Variants in IDE observed in about 807,000 individuals in gnomAD.
IDE encodes the protein insulin-degrading enzyme.
In IDE, 58 loss-of-function variants were observed where a neutral mutation model predicts 133.2. The ratio of observed to expected loss-of-function variants is 0.44; its 90% CI spans 0.35 to 0.54. The LOEUF is 0.54. Ranked by LOEUF, IDE falls within the 20% of genes least tolerant of loss-of-function variation. The probability of loss-of-function intolerance (pLI) is 0.00; values close to 1 mark genes in which losing one functional copy is unlikely to be tolerated. For missense variants in IDE, 981 were observed against 1,234.0 expected (o/e 0.79, Z 3.07); for synonymous variants, 396 against 421.3 (o/e 0.94, Z 0.73).
Position 92,461,172 on chromosome 10 carries a change from AT to A in IDE, c.2823+18del, listed in dbSNP as rs1845366393. On this transcript the variant is annotated intron_variant, in intron 22 of 24. Coordinates refer to ENST00000265986, the MANE Select transcript of IDE (RefSeq NM_004969.4). ...TACTTTCATATCAGTCAAAATCTAA[AT>A]ATATGAATTTGACTTACCTTGTAGA... 16 of 1,183,524 alleles carry A rather than the reference AT, an allele frequency of 1.4e-5. No homozygotes were observed. The highest frequency in any genetic ancestry group is 2.0e-5 in the Non-Finnish European group (16 of 790,740). The allele number at this position is 1,183,524 out of a possible 1,614,324, so 73.3% of individuals were successfully genotyped here.
At chr10:92,473,982 A>T (rs11187018) in intron 17 of IDE, among the ~76,000 whole-genome samples, 15,192 of 147,650 alleles carry the variant, frequency 0.1, 873 homozygotes, top group South Asian at 0.17. Context: ...CTCCGTCTTT[A>T]AAAAAAAAAA....
rs1192547992 is a variant in IDE, at chr10:92,557,312, G to A, written c.98+16610C>T. On this transcript the variant is annotated intron_variant, in intron 1 of 24. Coordinates refer to ENST00000265986, the MANE Select transcript of IDE (RefSeq NM_004969.4). ...AGCACTTTGGGAGGCCGAGGGGGGT[G>A]GATCACGAGGTCAGGAGATCGAGAA... 3.3e-5 allele frequency among the ~76,000 whole-genome samples: 5 copies of A among 150,230 alleles called. No homozygotes were observed. The East Asian group carries it at 8.0e-4, about 24-fold the overall frequency.
intron 22 of IDE, among the ~76,000 whole-genome samples, chr10:92,460,371 CTTTG>C (rs1845310047): frequency 6.6e-6 from 1 of 152,126 alleles, no homozygotes; most frequent in African/African-American, 2.4e-5. Context: ...CTTTTGTTTT[CTTTG>C]TTCTTCCTTC....
At chr10:92,490,914 A>T (rs1263179503) in intron 11 of IDE, among the ~76,000 whole-genome samples, 3 of 152,190 alleles carry the variant, frequency 2.0e-5, no homozygotes, top group South Asian at 4.1e-4. Flanking sequence ...AGGTCAGTTA[A>T]AAACAGTCAG....
chr10:92,477,550 G>A (rs372632147), intron 15 of IDE, among the ~76,000 whole-genome samples: 3 of 152,182 alleles, frequency 2.0e-5, no homozygotes, highest in African/African-American at 4.8e-5. Context: ...ATGGTGGCAC[G>A]CAAAGCAGTA....
intron 13 of IDE, among the ~76,000 whole-genome samples, chr10:92,486,211 G>A (rs1026239979): frequency 1.3e-5 from 2 of 152,026 alleles, no homozygotes; most frequent in Non-Finnish European, 2.9e-5. Context: ...TCAGCTGGAT[G>A]TGGTGGCGGG....
At chr10:92,526,320 C>T (rs1233586974) in intron 4 of IDE, among the ~76,000 whole-genome samples, 1 of 151,832 alleles carries the variant, frequency 6.6e-6, no homozygotes, top group Non-Finnish European at 1.5e-5. Context: ...TCTACAGATT[C>T]AATGCAACCC....
intron 1 of IDE, among the ~76,000 whole-genome samples, chr10:92,567,270 C>T (rs1405409620): frequency 1.3e-5 from 2 of 152,168 alleles, no homozygotes; most frequent in Non-Finnish European, 2.9e-5. Flanking sequence ...CTTCCCAGAG[C>T]TGGGTCTCCC....
intron 1 of IDE, among the ~76,000 whole-genome samples, chr10:92,562,715 A>G (rs942130536): frequency 1.3e-5 from 2 of 152,260 alleles, no homozygotes; most frequent in South Asian, 4.1e-4. Flanking sequence ...ACCACAGAGT[A>G]GCCCAACAAT....
intron 1 of IDE, among the ~76,000 whole-genome samples, chr10:92,555,446 G>C (rs888970426): frequency 6.7e-6 from 1 of 149,876 alleles, no homozygotes; most frequent in Admixed American, 6.7e-5. Context: ...GCGGTGAGCC[G>C]TGATAGTGCC....
intron 1 of IDE, among the ~76,000 whole-genome samples, chr10:92,549,948 C>A (rs1306671398): frequency 6.6e-6 from 1 of 152,086 alleles, no homozygotes; most frequent in Non-Finnish European, 1.5e-5. Context: ...GCAGGCAGAT[C>A]ACCTGAGGTC....
At chr10:92,464,986 A>AT (rs796080566) in intron 20 of IDE, among the ~76,000 whole-genome samples, 4 of 152,270 alleles carry the variant, frequency 2.6e-5, no homozygotes, top group African/African-American at 9.6e-5. Context: ...TTGAGCTCTT[A>AT]TAATAACATT....
At chr10:92,505,534 A>G (rs367561598) in intron 10 of IDE, among the ~76,000 whole-genome samples, 69 of 152,264 alleles carry the variant, frequency 4.5e-4, no homozygotes, top group Non-Finnish European at 7.2e-4. Flanking sequence ...GGTAAGACAC[A>G]TGAAATCCTT....
At chr10:92,469,564 G>A (rs1281461741) in intron 18 of IDE, among the ~76,000 whole-genome samples, 1 of 151,992 alleles carries the variant, frequency 6.6e-6, no homozygotes, top group Admixed American at 6.6e-5. Flanking sequence ...GAGTAGCTAG[G>A]ACTACAGGCA....
chr10:92,538,457 A>G lies in IDE; in HGVS notation c.99-907T>C, dbSNP rs1205895424. On this transcript the variant is annotated intron_variant, in intron 1 of 24. Transcript: ENST00000265986. Reference sequence around the variant, plus strand: ...TGACGGCAGCAATAACAAGGACATAAAACAAACAAACAAAAAGTTGGAAGG... The same window carrying G: ...TGACGGCAGCAATAACAAGGACATAGAACAAACAAACAAAAAGTTGGAAGG... Among the ~76,000 whole-genome samples, 3 of 152,352 alleles carry G rather than the reference A, an allele frequency of 2.0e-5. No individual in the cohort carries two copies. In the East Asian group the frequency reaches 5.8e-4, roughly 29 times the overall value.
chr10:92,556,267 T>C (rs1843007202), intron 1 of IDE, among the ~76,000 whole-genome samples: 1 of 151,810 alleles, frequency 6.6e-6, no homozygotes, highest in African/African-American at 2.4e-5. Context: ...ATATCAATTG[T>C]ATTTCCATAC....
chr10:92,474,234 G>T (rs7092468), intron 17 of IDE, among the ~76,000 whole-genome samples: 66,623 of 151,682 alleles, frequency 0.44, 15,940 homozygotes, highest in African/African-American at 0.63. Flanking sequence ...CCAGCTAATA[G>T]TTTTATTATT....
chr10:92,457,459 A>C (rs1845093288), intron 22 of IDE, among the ~76,000 whole-genome samples: 1 of 150,416 alleles, frequency 6.6e-6, no homozygotes. Flanking sequence ...GTCAGAAGCT[A>C]GAGTCTGCTT....
intron 14 of IDE, chr10:92,479,689 C>A (rs750086497): frequency 1.6e-5 from 5 of 317,994 alleles, no homozygotes; most frequent in Non-Finnish European, 2.9e-5. Context: ...AACTGCCTAC[C>A]CCAGATGGTG....
Sources: gnomAD v4.1 joint callset for allele counts (sites outside exome capture counted in the v4.1 genomes callset) on GRCh38, gnomAD v4.1.1 for gene constraint, MANE v1.5 for transcripts, NCBI Gene and HGNC (gene_info 2026-07-23, HGNC 2026-07-21) for gene names.